DLGAP2: variants seen among roughly 807,000 people sequenced by gnomAD.
The protein encoded by DLGAP2 is disks large-associated protein 2.
DLGAP2 carries 26 observed loss-of-function variants against 100.3 expected under a neutral mutation model. The observed-to-expected ratio is 0.26, with a 90% CI of 0.19 to 0.36. The LOEUF is 0.36. DLGAP2 is among the 10% of genes least tolerant of loss of function. The pLI is 1.00. For missense variants in DLGAP2, 1,858 were observed against 1,453.2 expected (o/e 1.28, Z -4.53); for synonymous variants, 886 against 630.1 (o/e 1.41, Z -6.08).
At chr8:981,921 G>A (rs998561502) in intron 2 of DLGAP2, among the ~76,000 whole-genome samples, 15 of 152,180 alleles carry the variant, frequency 9.9e-5, no homozygotes, top group Admixed American at 5.2e-4. Context: ...GTGCATCTCC[G>A]TGCCTGCGGG....
At chr8:748,438 T>A (rs1216360034) in intron 1 of DLGAP2, among the ~76,000 whole-genome samples, 2 of 152,016 alleles carry the variant, frequency 1.3e-5, no homozygotes, top group African/African-American at 2.4e-5. Context: ...GGCCCCTGGG[T>A]GGGAACAGAG....
intron 2 of DLGAP2, among the ~76,000 whole-genome samples, chr8:911,741 A>T (rs1798489869): frequency 6.6e-6 from 1 of 151,444 alleles, no homozygotes; most frequent in African/African-American, 2.4e-5. Flanking sequence ...TGTTGGAAGG[A>T]TGCTGGAGAA....
At chr8:1,357,829 C>G (rs555252549) in intron 3 of DLGAP2, among the ~76,000 whole-genome samples, 38 of 152,264 alleles carry the variant, frequency 2.5e-4, no homozygotes, top group African/African-American at 8.7e-4. Flanking sequence ...GGGCTGTGGG[C>G]CTCAGAGCAC....
At chr8:1,193,124 T>C (rs1020073593) in intron 2 of DLGAP2, among the ~76,000 whole-genome samples, 7 of 152,152 alleles carry the variant, frequency 4.6e-5, no homozygotes, top group Admixed American at 2.0e-4. Context: ...ATAGTGCCGC[T>C]ATAAACATAC....
At chr8:1,554,874 C>A (rs1195143588) in intron 5 of DLGAP2, among the ~76,000 whole-genome samples, 2 of 151,320 alleles carry the variant, frequency 1.3e-5, no homozygotes, top group Non-Finnish European at 2.9e-5. Flanking sequence ...ACCAATAGTT[C>A]TAACAAGCTT....
intron 1 of DLGAP2, among the ~76,000 whole-genome samples, chr8:858,100 A>C (rs957058348): frequency 1.3e-5 from 2 of 151,932 alleles, no homozygotes; most frequent in Non-Finnish European, 1.5e-5. Context: ...CAGATGATCC[A>C]CCCGCCTTGG....
intron 1 of DLGAP2, among the ~76,000 whole-genome samples, chr8:743,867 T>C (rs887585997): frequency 6.6e-6 from 1 of 152,272 alleles, no homozygotes; most frequent in Non-Finnish European, 1.5e-5. Context: ...GCGATGCCTT[T>C]TGCTGGTATT....
At chr8:1,469,794 A>G (rs1460396032) in intron 3 of DLGAP2, among the ~76,000 whole-genome samples, 1 of 152,170 alleles carries the variant, frequency 6.6e-6, no homozygotes, top group Non-Finnish European at 1.5e-5. Context: ...GAGAGGAACC[A>G]ACTTTAAAAG....
chr8:959,345 G>A (rs1052102342), intron 2 of DLGAP2, among the ~76,000 whole-genome samples: 2 of 152,200 alleles, frequency 1.3e-5, no homozygotes, highest in African/African-American at 4.8e-5. Flanking sequence ...CTGCTCCACT[G>A]TCACGGATGA....
At chr8:1,070,194 A>G (rs1803383801) in intron 2 of DLGAP2, among the ~76,000 whole-genome samples, 1 of 152,046 alleles carries the variant, frequency 6.6e-6, no homozygotes, top group Non-Finnish European at 1.5e-5. Context: ...AGACTCGGCG[A>G]GTCCTTTCTT....
At chr8:786,406 G>C (rs531546195) in intron 1 of DLGAP2, among the ~76,000 whole-genome samples, 1 of 152,152 alleles carries the variant, frequency 6.6e-6, no homozygotes, top group Non-Finnish European at 1.5e-5. Context: ...CATTTTCGTC[G>C]ATTCTCAAAA....
intron 1 of DLGAP2, among the ~76,000 whole-genome samples, chr8:783,014 C>T (rs558430726): frequency 2.3e-4 from 35 of 152,260 alleles, no homozygotes; most frequent in East Asian, 1.7e-3. Context: ...AACCAGTGAC[C>T]GCATGACCGC....
At chr8:963,259 G>A (rs1448920911) in intron 2 of DLGAP2, among the ~76,000 whole-genome samples, 1 of 148,144 alleles carries the variant, frequency 6.8e-6, no homozygotes, top group Non-Finnish European at 1.5e-5. Flanking sequence ...TGGAAACAGT[G>A]TTTGAAAATG....
chr8:885,997 C>T (rs1411674609), intron 1 of DLGAP2, among the ~76,000 whole-genome samples: 1 of 152,100 alleles, frequency 6.6e-6, no homozygotes, highest in Non-Finnish European at 1.5e-5. Context: ...GTTTGTATTT[C>T]TGGTAGAATT....
chr8:1,067,032 G>T (rs1038751325), intron 2 of DLGAP2, among the ~76,000 whole-genome samples: 1 of 152,162 alleles, frequency 6.6e-6, no homozygotes, highest in Non-Finnish European at 1.5e-5. Flanking sequence ...TGTTTGGTTT[G>T]CTGCAGAGAG....
At chr8:1,570,800 G>C (rs762047246) in intron 6 of DLGAP2, among the ~76,000 whole-genome samples, 12 of 144,364 alleles carry the variant, frequency 8.3e-5, no homozygotes, top group Non-Finnish European at 1.3e-4. Context: ...AGAGGAGAGA[G>C]GGTGAACTGT....
At chr8:1,353,972 G>T (rs529687840) in intron 3 of DLGAP2, among the ~76,000 whole-genome samples, 1 of 152,258 alleles carries the variant, frequency 6.6e-6, no homozygotes, top group South Asian at 2.1e-4. Context: ...GTAAGTGGAC[G>T]TTTTTTTAAA....
At chr8:916,910 C>T (rs894281478) in intron 2 of DLGAP2, among the ~76,000 whole-genome samples, 38 of 152,202 alleles carry the variant, frequency 2.5e-4, no homozygotes, top group Admixed American at 1.5e-3. Context: ...CACTGATGCC[C>T]GGGAGGGCAC....
chr8:1,041,781 A>G (rs574878215), intron 2 of DLGAP2, among the ~76,000 whole-genome samples: 1 of 117,186 alleles, frequency 8.5e-6, no homozygotes, highest in African/African-American at 3.3e-5. Flanking sequence ...TCTGCGGGAA[A>G]TGTGTACTCC....
Sources: allele counts gnomAD v4.1 joint callset (sites outside exome capture counted in the v4.1 genomes callset), GRCh38; gene constraint gnomAD v4.1.1; transcripts MANE v1.5; gene names NCBI Gene and HGNC (gene_info 2026-07-23, HGNC 2026-07-21).